CFAP206: variants seen among roughly 807,000 people sequenced by gnomAD.
The protein encoded by CFAP206 is cilia and flagella associated protein 206.
A neutral mutation model predicts 65.4 loss-of-function variants in CFAP206; 53 were observed. The ratio of observed to expected loss-of-function variants is 0.81; its 90% CI spans 0.65 to 1.02. The LOEUF is 1.02. CFAP206 is among the 50% of genes least tolerant of loss of function. CFAP206 has a pLI of 0.00. For missense variants in CFAP206, 663 were observed against 753.2 expected (o/e 0.88, Z 1.40); for synonymous variants, 250 against 254.4 (o/e 0.98, Z 0.17).
At chr6:87,454,854 A>AAC (rs1313743764) in intron 11 of CFAP206, among the ~76,000 whole-genome samples, 2 of 150,542 alleles carry the variant, frequency 1.3e-5, no homozygotes, top group African/African-American at 2.4e-5. Context: ...CAAAAAAAAA[A>AAC]AAAAACAAAA....
At position 87,416,660 on chromosome 6, in the gene CFAP206, T is replaced by C. The variant is rs559398329; in HGVS notation, c.473-9T>C. The C allele has an allele frequency of 8.2e-5, 128 of 1,553,736 alleles. No homozygotes were observed. The highest frequency in any genetic ancestry group is 5.2e-4 in the Middle Eastern group (3 of 5,768). On this transcript the variant is annotated splice_polypyrimidine_tract_variant and intron_variant, in intron 5 of 12. Coordinates refer to ENST00000369562, the MANE Select transcript of CFAP206 (RefSeq NM_001031743.3). Reference sequence around the variant, plus strand: ...TGTTTTCCTTTTTTTTTTTTCTGGTTTATTTTAGCTGCTCTACAGAGTGTT... The same window carrying C: ...TGTTTTCCTTTTTTTTTTTTCTGGTCTATTTTAGCTGCTCTACAGAGTGTT...
intron 11 of CFAP206, among the ~76,000 whole-genome samples, chr6:87,453,611 A>G (rs1353293514): frequency 6.6e-6 from 1 of 152,152 alleles, no homozygotes; most frequent in African/African-American, 2.4e-5. Flanking sequence ...AAAAGTGTAG[A>G]GTTTTTATCA....
rs754732741 is a variant in CFAP206, at chr6:87,464,117, G to A, written c.1736G>A (p.Ser579Asn). The change falls in exon 13 of 13, where the codon AGC (serine) becomes AAC (asparagine). Residue 579 changes from serine to asparagine, a missense_variant. Ser to Asn is a conservative substitution (Grantham distance 46). Transcript: ENST00000369562. ...CSQVYPPKDT[S>N]TQSMREDSTG... ...CAAGTGTACCCTCCAAAGGACACTA[G>A]CACCCAGTCCATGAGGGAAGACAGC... is the stretch of plus-strand genomic sequence containing the variant. 4.3e-6 allele frequency: 7 copies of A among 1,614,038 alleles called. No individual in the cohort carries two copies. The Admixed American group carries it at 1.2e-4, about 27-fold the overall frequency.
chr6:87,436,883 T>A (rs11965562), intron 11 of CFAP206: 41,735 of 152,146 alleles, frequency 0.27, 5,944 homozygotes, highest in Admixed American at 0.38. Context: ...TTATAAGGCT[T>A]GTCAGTTACC....
At chr6:87,439,122 G>A (rs191423187) in intron 11 of CFAP206, among the ~76,000 whole-genome samples, 4 of 152,144 alleles carry the variant, frequency 2.6e-5, no homozygotes, top group African/African-American at 9.6e-5. Flanking sequence ...AAATCTTACT[G>A]GAATTTTAAC....
At position 87,418,206 on chromosome 6, in the gene CFAP206, A is replaced by G; in HGVS notation, c.632-2A>G. 1 of 1,614,036 alleles carries G rather than the reference A, an allele frequency of 6.2e-7. No homozygotes were observed. Among genetic ancestry groups the G allele is most frequent in the South Asian group, 1.1e-5 (1 of 91,080 alleles). On this transcript the variant is annotated splice_acceptor_variant, in intron 6 of 12. Coordinates refer to ENST00000369562, the MANE Select transcript of CFAP206 (RefSeq NM_001031743.3). LOFTEE classifies it high-confidence loss of function. The stretch of plus-strand genomic sequence containing the variant: ...GCTGCCTTTTCATACTCTTACAAAC[A>G]GTGCCAGCTGTTCTCCATGTAGCAA...
At chr6:87,414,495 A>G (rs67569613) in intron 4 of CFAP206, among the ~76,000 whole-genome samples, 5,546 of 152,194 alleles carry the variant, frequency 0.036, 122 homozygotes, top group Middle Eastern at 0.078. Context: ...ACGGGATTTC[A>G]CCATGTTGCC....
chr6:87,431,639 G>A, intron 10 of CFAP206, among the ~76,000 whole-genome samples: 1 of 152,102 alleles, frequency 6.6e-6, no homozygotes, highest in Non-Finnish European at 1.5e-5. Context: ...GGTGGCACAC[G>A]CCTGTAGTCC....
chr6:87,428,927 A>C, intron 9 of CFAP206, 103 bp downstream of exon 9: 1 of 1,173,222 alleles, frequency 8.5e-7, no homozygotes, highest in South Asian at 1.4e-5. Context: ...TAAAGCATTA[A>C]ACATTTTTCT....
intron 12 of CFAP206, 51 bp from the exon 13 acceptor site, chr6:87,463,969 G>T (rs1239965794): frequency 7.0e-7 from 1 of 1,432,182 alleles, no homozygotes; most frequent in Non-Finnish European, 9.6e-7. Flanking sequence ...AATATTTTAT[G>T]TTATTTGTTC....
At chr6:87,432,534 T>C (rs1490411135) in intron 10 of CFAP206, among the ~76,000 whole-genome samples, 1 of 136,222 alleles carries the variant, frequency 7.3e-6, no homozygotes, top group African/African-American at 2.9e-5. Context: ...GAAACACGGA[T>C]GTGGGGTGAT....
At chr6:87,453,473 G>A (rs571100613) in intron 11 of CFAP206, among the ~76,000 whole-genome samples, 14 of 152,224 alleles carry the variant, frequency 9.2e-5, no homozygotes, top group East Asian at 3.9e-4. Context: ...TTCATATCTC[G>A]AGTAGGAAGA....
chr6:87,416,497 T>A lies in CFAP206; in HGVS notation c.473-172T>A, dbSNP rs181724340. On this transcript the variant is annotated intron_variant, in intron 5 of 12. Coordinates refer to ENST00000369562, the MANE Select transcript of CFAP206 (RefSeq NM_001031743.3). ...ATGGCATAACTCTCAGTAATCCAGCTTTGATGCGTGATAAGTTTTATTATG... is the reference window on the plus strand; with the variant it reads ...ATGGCATAACTCTCAGTAATCCAGCATTGATGCGTGATAAGTTTTATTATG... 7.2e-5 allele frequency among the ~76,000 whole-genome samples: 11 copies of A among 152,326 alleles called. No homozygotes were observed. The East Asian group carries it at 1.9e-3, about 27-fold the overall frequency.
intron 10 of CFAP206, among the ~76,000 whole-genome samples, chr6:87,431,727 C>T (rs1453120332): frequency 6.6e-6 from 1 of 152,194 alleles, no homozygotes; most frequent in Non-Finnish European, 1.5e-5. Flanking sequence ...GATAACTCCA[C>T]TGCACTTCAG....
At position 87,415,717 on chromosome 6, in the gene CFAP206, A is replaced by C; in HGVS notation, c.315A>C (p.Leu105=). The C allele has an allele frequency of 6.2e-7, 1 of 1,611,282 alleles. No homozygotes were observed. The highest frequency in any genetic ancestry group is 8.5e-7 in the Non-Finnish European group (1 of 1,178,806). ...TTCTCGAAGAACATCACCGGGTCCT[A>C]GAGTCTAGATTAGGCTCTGTTACCC... ...VEFLEEHHRV[L]ESRLGSVTRE... Residue 105 remains leucine (L), a synonymous_variant, in exon 5 of 13, where the codon CTA becomes CTC. Coordinates refer to ENST00000369562, the MANE Select transcript of CFAP206 (RefSeq NM_001031743.3).
intron 1 of CFAP206, among the ~76,000 whole-genome samples, 178 bp downstream of exon 1, chr6:87,408,267 C>G (rs909349195): frequency 1.3e-5 from 2 of 152,348 alleles, no homozygotes; most frequent in South Asian, 4.1e-4. Context: ...GCGGTCCATT[C>G]CTGCCGGAGG....
chr6:87,440,388 GT>G (rs1247180227), intron 11 of CFAP206, among the ~76,000 whole-genome samples: 5 of 150,952 alleles, frequency 3.3e-5, no homozygotes, highest in South Asian at 2.1e-4. Context: ...GAGTCTGTTA[GT>G]TTTTTTTTCT....
chr6:87,442,698 G>C (rs921960593), intron 11 of CFAP206, among the ~76,000 whole-genome samples: 1 of 151,970 alleles, frequency 6.6e-6, no homozygotes, highest in Non-Finnish European at 1.5e-5. Context: ...AATAGTTATT[G>C]AATTGTATCA....
intron 11 of CFAP206, among the ~76,000 whole-genome samples, chr6:87,458,198 G>A (rs1042253198): frequency 6.6e-6 from 1 of 152,056 alleles, no homozygotes; most frequent in African/African-American, 2.4e-5. Flanking sequence ...TATGGAGAAA[G>A]GGAACCCTAG....
Sources: gnomAD v4.1 joint callset for allele counts (sites outside exome capture counted in the v4.1 genomes callset) on GRCh38, gnomAD v4.1.1 for gene constraint, MANE v1.5 for transcripts, NCBI Gene and HGNC (gene_info 2026-07-23, HGNC 2026-07-21) for gene names.